The following ELP3 variants were observed in gnomAD, a reference collection of about 807,000 sequenced individuals.
ELP3 encodes the protein elongator complex protein 3.
In ELP3, 56 loss-of-function variants were observed where a neutral mutation model predicts 74.9. That is an observed-to-expected ratio of 0.75 (90% confidence interval 0.60 to 0.93). ELP3 has a LOEUF of 0.93. ELP3 is among the 40% of genes least tolerant of loss of function. The pLI is 0.00. For missense variants in ELP3, 573 were observed against 686.5 expected, an observed-to-expected ratio of 0.83 and a Z score of 1.85; for synonymous variants, 222 against 239.8, an observed-to-expected ratio of 0.93 and a Z score of 0.68.
Position 28,107,946 on chromosome 8 carries a change from G to A in ELP3, c.363G>A (p.Glu121=), listed in dbSNP as rs754409273. Residue 121 remains glutamate, a synonymous_variant, in exon 5 of 15, where the codon GAG becomes GAA. Coordinates refer to ENST00000256398, the MANE Select transcript of ELP3 (RefSeq NM_018091.6). ...YCPGGPDSDF[E]YSTQSYTGYE... is the part of the protein sequence containing the mutation. The stretch of plus-strand genomic sequence containing the variant: ...CTGGTGGACCTGATTCTGATTTTGA[G>A]TATTCCACCCAGTCTTACACTGGCT... 2 of 1,613,928 alleles carry A rather than the reference G, an allele frequency of 1.2e-6. No homozygotes were observed. The highest frequency in any genetic ancestry group is 8.5e-7 in the Non-Finnish European group (1 of 1,179,958).
chr8:28,112,957 TG>T, intron 6 of ELP3, 61 bp from the exon 7 acceptor site: 1 of 1,456,108 alleles, frequency 6.9e-7, no homozygotes, highest in East Asian at 2.3e-5. Flanking sequence ...AGATTTGCAA[TG>T]CCTTCTTAGA....
intron 7 of ELP3, among the ~76,000 whole-genome samples, chr8:28,121,112 A>G: frequency 6.6e-6 from 1 of 152,190 alleles, no homozygotes; most frequent in Non-Finnish European, 1.5e-5. Flanking sequence ...TATAGAACAA[A>G]TGGAAAGAAT....
At chr8:28,098,690 A>C (rs1811353192) in intron 2 of ELP3, among the ~76,000 whole-genome samples, 1 of 152,204 alleles carries the variant, frequency 6.6e-6, no homozygotes, top group Non-Finnish European at 1.5e-5. Flanking sequence ...CAAGTTTTTA[A>C]ACCTCTGTAC....
At chr8:28,142,982 T>TA (rs1234375450) in intron 10 of ELP3, among the ~76,000 whole-genome samples, 1 of 152,228 alleles carries the variant, frequency 6.6e-6, no homozygotes, top group East Asian at 1.9e-4. Context: ...CATTGAGTGT[T>TA]ACTAAACTAT....
intron 14 of ELP3, among the ~76,000 whole-genome samples, chr8:28,175,810 C>T (rs1199834325): frequency 5.1e-5 from 4 of 78,228 alleles, no homozygotes; most frequent in African/African-American, 1.0e-4. Flanking sequence ...TGTCTAGTGA[C>T]TTTTTTTTTT....
chr8:28,174,655 T>C (rs1814669926), intron 14 of ELP3, among the ~76,000 whole-genome samples: 1 of 152,168 alleles, frequency 6.6e-6, no homozygotes, highest in Admixed American at 6.5e-5. Context: ...TTAAATAATA[T>C]AGGAAGAAAA....
At chr8:28,125,965 A>G (rs187353597) in intron 7 of ELP3, among the ~76,000 whole-genome samples, 96 of 152,230 alleles carry the variant, frequency 6.3e-4, no homozygotes, top group Middle Eastern at 6.8e-3. Context: ...GAGACCTCCT[A>G]TGTTCCCAGT....
chr8:28,133,387 G>T (rs1812855563), intron 9 of ELP3, among the ~76,000 whole-genome samples: 1 of 146,352 alleles, frequency 6.8e-6, no homozygotes, highest in Admixed American at 6.8e-5. Flanking sequence ...ACCTATTGTT[G>T]ACCTTTTACT....
chr8:28,166,044 C>T (rs1413318860), intron 14 of ELP3, among the ~76,000 whole-genome samples: 1 of 152,084 alleles, frequency 6.6e-6, no homozygotes, highest in African/African-American at 2.4e-5. Context: ...TAAAGTGAAC[C>T]ATCAACTCTA....
At chr8:28,149,757 A>AT (rs1314861114) in intron 10 of ELP3, among the ~76,000 whole-genome samples, 2 of 152,054 alleles carry the variant, frequency 1.3e-5, no homozygotes, top group Non-Finnish European at 2.9e-5. Flanking sequence ...GGAAATTTAG[A>AT]TTTTTTATTT....
At chr8:28,173,097 T>C (rs1378944600) in intron 14 of ELP3, among the ~76,000 whole-genome samples, 1 of 152,044 alleles carries the variant, frequency 6.6e-6, no homozygotes, top group African/African-American at 2.4e-5. Flanking sequence ...TAGTTTTCTT[T>C]GTAGTGTCTT....
At chr8:28,143,239 AC>A (rs2130500304) in intron 10 of ELP3, among the ~76,000 whole-genome samples, 1 of 150,162 alleles carries the variant, frequency 6.7e-6, no homozygotes, top group African/African-American at 2.5e-5. Context: ...GCTGTGTAGC[AC>A]CACTCCCATG....
At chr8:28,127,667 AG>A (rs1232563493) in intron 7 of ELP3, among the ~76,000 whole-genome samples, 12 of 152,188 alleles carry the variant, frequency 7.9e-5, no homozygotes, top group African/African-American at 2.7e-4. Context: ...TAAGAGGCAC[AG>A]GACCTGATGA....
chr8:28,112,827 T>G (rs2130396640), intron 6 of ELP3, 192 bp from the exon 7 acceptor site: 2 of 401,892 alleles, frequency 5.0e-6, no homozygotes, highest in East Asian at 7.5e-5. Flanking sequence ...CCCTCCTTAT[T>G]TGAGTTGTAC....
At chr8:28,109,176 G>A (rs1811812762) in intron 5 of ELP3, among the ~76,000 whole-genome samples, 1 of 152,090 alleles carries the variant, frequency 6.6e-6, no homozygotes. Flanking sequence ...ATCCAATTTA[G>A]GTTTTTTGAA....
upstream of ELP3, among the ~76,000 whole-genome samples, chr8:28,091,268 T>A (rs944765904): frequency 6.6e-6 from 1 of 152,134 alleles, no homozygotes; most frequent in Admixed American, 6.5e-5. Flanking sequence ...AAGGTCTCTG[T>A]GTTGATGTTA....
At chr8:28,106,935 A>G (rs1299146781) in intron 4 of ELP3, 152 bp downstream of exon 4, 2 of 615,436 alleles carry the variant, frequency 3.2e-6, no homozygotes, top group Non-Finnish European at 5.6e-6. Context: ...CCATTGGTAG[A>G]TATTTTAGTG....
At chr8:28,136,724 T>G (rs4732828) in intron 9 of ELP3, among the ~76,000 whole-genome samples, 89,329 of 152,100 alleles carry the variant, frequency 0.59, 28,197 homozygotes, top group East Asian at 0.92. Context: ...AGATAAAAAG[T>G]ATTTTTCCAG....
At chr8:28,133,527 C>A (rs1812865150) in intron 9 of ELP3, among the ~76,000 whole-genome samples, 1 of 149,598 alleles carries the variant, frequency 6.7e-6, no homozygotes, top group Non-Finnish European at 1.5e-5. Flanking sequence ...TTTTAACTCT[C>A]ACAGTTTCTT....
Sources: allele counts gnomAD v4.1 joint callset (sites outside exome capture counted in the v4.1 genomes callset), GRCh38; gene constraint gnomAD v4.1.1; transcripts MANE v1.5; gene names NCBI Gene and HGNC (gene_info 2026-07-23, HGNC 2026-07-21).